The following NKAIN2 variants were observed in gnomAD, a reference collection of about 807,000 sequenced individuals.
NKAIN2 encodes the protein sodium/potassium-transporting ATPase subunit beta-1-interacting protein 2.
NKAIN2 carries 14 observed loss-of-function variants against 32.6 expected under a neutral mutation model. That is an observed-to-expected ratio of 0.43 (90% confidence interval 0.28 to 0.67). NKAIN2 has a LOEUF of 0.67. Ranked by LOEUF, NKAIN2 falls within the 30% of genes least tolerant of loss-of-function variation. The probability of loss-of-function intolerance (pLI) is 0.17; values close to 1 mark genes in which losing one functional copy is unlikely to be tolerated. For synonymous variants in NKAIN2, 80 were observed against 87.2 expected, an observed-to-expected ratio of 0.92 and a Z score of 0.46; for missense variants, 198 against 258.3, an observed-to-expected ratio of 0.77 and a Z score of 1.60.
intron 3 of NKAIN2, among the ~76,000 whole-genome samples, chr6:124,385,531 T>C (rs1218907370): frequency 6.6e-6 from 1 of 152,144 alleles, no homozygotes; most frequent in African/African-American, 2.4e-5. Flanking sequence ...TGAATCGGTG[T>C]CTCTTAAAAC....
intron 1 of NKAIN2, among the ~76,000 whole-genome samples, chr6:123,844,893 T>C (rs1283968705): frequency 6.6e-6 from 1 of 152,210 alleles, no homozygotes; most frequent in African/African-American, 2.4e-5. Flanking sequence ...GATTTGCTAT[T>C]GTATGCAGGC....
chr6:124,546,250 T>C (rs1039796222), intron 3 of NKAIN2, among the ~76,000 whole-genome samples: 1 of 152,096 alleles, frequency 6.6e-6, no homozygotes, highest in African/African-American at 2.4e-5. Flanking sequence ...TTTCTTAATT[T>C]CCTTTAGTTC....
At chr6:124,614,642 C>A (rs994093155) in intron 3 of NKAIN2, among the ~76,000 whole-genome samples, 1 of 152,120 alleles carries the variant, frequency 6.6e-6, no homozygotes, top group African/African-American at 2.4e-5. Flanking sequence ...TGTCTTTATT[C>A]ACTCCTCACT....
At chr6:124,687,389 T>G (rs1773985136) in intron 4 of NKAIN2, among the ~76,000 whole-genome samples, 1 of 131,992 alleles carries the variant, frequency 7.6e-6, no homozygotes, top group Admixed American at 7.4e-5. Flanking sequence ...AATATATATA[T>G]TCCATGTATG....
intron 1 of NKAIN2, among the ~76,000 whole-genome samples, chr6:124,082,797 A>G (rs1372996111): frequency 6.6e-6 from 1 of 152,028 alleles, no homozygotes; most frequent in East Asian, 1.9e-4. Context: ...ATAGAAATCA[A>G]TCCATTTGCA....
At chr6:124,379,828 T>C (rs1772546577) in intron 3 of NKAIN2, among the ~76,000 whole-genome samples, 2 of 152,166 alleles carry the variant, frequency 1.3e-5, no homozygotes, top group Admixed American at 6.5e-5. Flanking sequence ...AGCCCCATTA[T>C]CTTGTGCAAT....
chr6:124,582,083 T>G (rs1424852799), intron 3 of NKAIN2, among the ~76,000 whole-genome samples: 1 of 150,990 alleles, frequency 6.6e-6, no homozygotes, highest in East Asian at 1.9e-4. Context: ...AAAAGTTGGT[T>G]TTTTTTTTGC....
At chr6:124,181,688 C>A (rs777538036) in intron 1 of NKAIN2, among the ~76,000 whole-genome samples, 1 of 152,134 alleles carries the variant, frequency 6.6e-6, no homozygotes, top group African/African-American at 2.4e-5. Flanking sequence ...AAAATGTTGC[C>A]GGTCTTTTTG....
At chr6:124,377,991 A>G (rs1057048485) in intron 3 of NKAIN2, among the ~76,000 whole-genome samples, 1 of 152,082 alleles carries the variant, frequency 6.6e-6, no homozygotes, top group African/African-American at 2.4e-5. Context: ...GAATCCTGCC[A>G]CATTGTGTCA....
intron 1 of NKAIN2, among the ~76,000 whole-genome samples, chr6:124,184,523 C>T (rs1789608701): frequency 6.6e-6 from 1 of 152,086 alleles, no homozygotes; most frequent in South Asian, 2.1e-4. Flanking sequence ...GAAGATATAG[C>T]TGGTATCTTG....
chr6:124,809,144 C>T (rs1179768959), intron 5 of NKAIN2, among the ~76,000 whole-genome samples: 13 of 150,258 alleles, frequency 8.7e-5, no homozygotes, highest in African/African-American at 2.0e-4. Flanking sequence ...TTAAAGTTCA[C>T]ATGGAACCAA....
At chr6:124,172,479 C>A (rs1687930203) in intron 1 of NKAIN2, among the ~76,000 whole-genome samples, 1 of 152,038 alleles carries the variant, frequency 6.6e-6, no homozygotes, top group Admixed American at 6.6e-5. Context: ...ATCAAATATT[C>A]CTTTAAATTC....
rs577975301 is a variant in NKAIN2, at chr6:124,540,549, C to G, written c.274-117637C>G. On this transcript the variant is annotated intron_variant, in intron 3 of 6. Transcript: ENST00000368417. Reference sequence around the variant, plus strand: ...GTGGTGAAACAAACCTAGGTTTTAACCCCACTGTAGCCATGTACTACTATG... The same window carrying G: ...GTGGTGAAACAAACCTAGGTTTTAAGCCCACTGTAGCCATGTACTACTATG... 2.6e-5 allele frequency among the ~76,000 whole-genome samples: 4 copies of G among 152,284 alleles called. No homozygotes were observed. In the East Asian group the frequency reaches 7.7e-4, roughly 29 times the overall value.
In NKAIN2 at chr6:124,053,587, CA is replaced by C. The variant is rs1782508176; in HGVS notation, c.55-229417del. On this transcript the variant is annotated intron_variant, in intron 1 of 6. Coordinates refer to ENST00000368417, the MANE Select transcript of NKAIN2 (RefSeq NM_001040214.3). ...AGGCAGTTTTCTTATCTTGTTTAAG[CA>C]GTGCTCTCTGCTTAATCCTTTCTGT... is the stretch of plus-strand genomic sequence containing the variant. 4.6e-5 allele frequency among the ~76,000 whole-genome samples: 7 copies of C among 152,124 alleles called. No individual in the cohort carries two copies. The South Asian group carries it at 1.5e-3, about 32-fold the overall frequency.
At chr6:124,482,226 C>T (rs1777482020) in intron 3 of NKAIN2, among the ~76,000 whole-genome samples, 1 of 152,154 alleles carries the variant, frequency 6.6e-6, no homozygotes, top group African/African-American at 2.4e-5. Context: ...CTGAGCTACT[C>T]TAACATTCTT....
chr6:124,019,384 C>G (rs2114755706), intron 1 of NKAIN2, among the ~76,000 whole-genome samples: 1 of 144,572 alleles, frequency 6.9e-6, no homozygotes, highest in African/African-American at 2.5e-5. Flanking sequence ...TAATTTTCTG[C>G]ATTCCTCAAC....
chr6:124,347,289 T>G (rs896417439), intron 2 of NKAIN2, among the ~76,000 whole-genome samples: 4 of 152,132 alleles, frequency 2.6e-5, no homozygotes, highest in Admixed American at 6.5e-5. Context: ...ATTTCAACTT[T>G]GGTGAATCTG....
intron 3 of NKAIN2, among the ~76,000 whole-genome samples, chr6:124,376,975 T>A (rs973689214): frequency 1.3e-5 from 2 of 152,218 alleles, no homozygotes; most frequent in Non-Finnish European, 2.9e-5. Flanking sequence ...AACTTTGGTA[T>A]TGTCAGCCAT....
chr6:124,166,876 T>C (rs2114479715), intron 1 of NKAIN2, among the ~76,000 whole-genome samples: 1 of 146,956 alleles, frequency 6.8e-6, no homozygotes, highest in Admixed American at 6.8e-5. Context: ...CATTGATCTA[T>C]ATCTCTGTTT....
Sources: gnomAD v4.1 joint callset for allele counts (sites outside exome capture counted in the v4.1 genomes callset) on GRCh38, gnomAD v4.1.1 for gene constraint, MANE v1.5 for transcripts, NCBI Gene and HGNC (gene_info 2026-07-23, HGNC 2026-07-21) for gene names.